Variants in GALNTL6 observed in about 807,000 individuals in gnomAD.
GALNTL6 encodes polypeptide N-acetylgalactosaminyltransferase-like 6.
A neutral mutation model predicts 73.7 loss-of-function variants in GALNTL6; 46 were observed. That is an observed-to-expected ratio of 0.62 (90% CI 0.49 to 0.80). GALNTL6 has a LOEUF of 0.80. Among genes scored for constraint, GALNTL6 ranks in the 30% least tolerant of loss-of-function variants. The pLI is 0.00. For synonymous variants in GALNTL6, 259 were observed against 263.7 expected (o/e 0.98, Z 0.17); for missense variants, 604 against 755.0 (o/e 0.80, Z 2.34).
At chr4:171,818,130 A>G (rs1734570994) in intron 2 of GALNTL6, among the ~76,000 whole-genome samples, 1 of 151,742 alleles carries the variant, frequency 6.6e-6, no homozygotes, top group Admixed American at 6.6e-5. Context: ...CTGTTTAAAC[A>G]TTTGAAATGC....
Position 171,895,046 on chromosome 4 carries a change from G to A in GALNTL6, c.138+80328G>A, listed in dbSNP as rs188629534. ...TAAAAGTCAGACAGAACACTTAGAA[G>A]AGACCATATATGATTTAATTTTAAT... On this transcript the variant is annotated intron_variant, in intron 2 of 12. Transcript: ENST00000506823. 2.2e-3 allele frequency among the ~76,000 whole-genome samples: 342 copies of A among 152,282 alleles called. 4 individuals are homozygous for A. The highest frequency in any genetic ancestry group is 3.5e-3 in the Non-Finnish European group (239 of 68,026).
intron 5 of GALNTL6, among the ~76,000 whole-genome samples, chr4:172,610,057 T>C (rs1475560189): frequency 1.3e-5 from 2 of 152,108 alleles, no homozygotes; most frequent in Non-Finnish European, 2.9e-5. Context: ...TCGTCATTTC[T>C]AATTGTGTTT....
chr4:172,444,309 A>G (rs1025906587), intron 5 of GALNTL6, among the ~76,000 whole-genome samples: 5 of 152,188 alleles, frequency 3.3e-5, no homozygotes, highest in African/African-American at 9.6e-5. Flanking sequence ...GTTGGCCCCA[A>G]TGTTGATGCC....
chr4:171,995,053 T>C (rs1475284853), intron 2 of GALNTL6, among the ~76,000 whole-genome samples: 2 of 151,992 alleles, frequency 1.3e-5, no homozygotes, highest in African/African-American at 4.8e-5. Flanking sequence ...AAACTGTTCT[T>C]ATAAAATTCA....
chr4:172,558,518 G>A (rs1040520788), intron 5 of GALNTL6, among the ~76,000 whole-genome samples: 3 of 152,110 alleles, frequency 2.0e-5, no homozygotes, highest in Admixed American at 6.6e-5. Context: ...ATGATGTGAG[G>A]ATACAGAGAG....
chr4:172,107,586 A>G (rs974901108), intron 2 of GALNTL6, among the ~76,000 whole-genome samples: 5 of 150,104 alleles, frequency 3.3e-5, no homozygotes, highest in African/African-American at 1.2e-4. Flanking sequence ...ACAAAAAACC[A>G]AACACCGCAT....
intron 3 of GALNTL6, among the ~76,000 whole-genome samples, chr4:172,307,627 T>G (rs913068486): frequency 1.3e-5 from 2 of 152,150 alleles, no homozygotes; most frequent in African/African-American, 4.8e-5. Context: ...TTTCTCCACT[T>G]TGTGTTTTTG....
At chr4:171,814,755 G>A (rs769610492) in intron 2 of GALNTL6, 37 bp downstream of exon 2, 14 of 1,607,744 alleles carry the variant, frequency 8.7e-6, no homozygotes, top group Non-Finnish European at 2.5e-6. Flanking sequence ...ACAAGGATTG[G>A]TAAGGCAGTG....
chr4:172,635,463 C>A (rs544331292), intron 5 of GALNTL6, among the ~76,000 whole-genome samples: 7 of 152,120 alleles, frequency 4.6e-5, no homozygotes, highest in African/African-American at 1.7e-4. Flanking sequence ...TTTATCAAGG[C>A]AAGATCAATC....
intron 5 of GALNTL6, chr4:172,667,374 T>C (rs762436608): frequency 1.3e-5 from 2 of 152,230 alleles, no homozygotes; most frequent in Non-Finnish European, 2.9e-5. Flanking sequence ...ACTGCTACTG[T>C]CATAATCACA....
chr4:172,550,102 C>T (rs1396086179), intron 5 of GALNTL6, among the ~76,000 whole-genome samples: 1 of 152,062 alleles, frequency 6.6e-6, no homozygotes, highest in Non-Finnish European at 1.5e-5. Flanking sequence ...ATATTTATCA[C>T]AAATATACAT....
intron 5 of GALNTL6, among the ~76,000 whole-genome samples, chr4:172,621,613 A>G (rs1003284854): frequency 2.0e-5 from 3 of 152,140 alleles, no homozygotes; most frequent in African/African-American, 7.2e-5. Context: ...TTTGTTTGTA[A>G]TACAGTTTTA....
At chr4:172,779,856 T>C (rs1251289268) in intron 5 of GALNTL6, among the ~76,000 whole-genome samples, 2 of 152,216 alleles carry the variant, frequency 1.3e-5, no homozygotes, top group African/African-American at 4.8e-5. Flanking sequence ...AGAGAGATTT[T>C]TTTTTCCCCT....
At chr4:172,225,027 G>A (rs960154366) in intron 2 of GALNTL6, among the ~76,000 whole-genome samples, 8 of 152,092 alleles carry the variant, frequency 5.3e-5, no homozygotes, top group East Asian at 1.9e-4. Context: ...GTGAAAAACC[G>A]GAATAGTGCT....
intron 7 of GALNTL6, among the ~76,000 whole-genome samples, chr4:172,852,143 A>G (rs1743858135): frequency 6.6e-6 from 1 of 152,046 alleles, no homozygotes; most frequent in Non-Finnish European, 1.5e-5. Flanking sequence ...AGAGCATATT[A>G]ATTACAGTAA....
At chr4:172,253,953 G>T (rs1280036288) in intron 3 of GALNTL6, among the ~76,000 whole-genome samples, 5 of 151,758 alleles carry the variant, frequency 3.3e-5, no homozygotes, top group Non-Finnish European at 7.4e-5. Flanking sequence ...ATGAACTCAG[G>T]AGTAAAACAC....
intron 2 of GALNTL6, among the ~76,000 whole-genome samples, chr4:171,936,612 A>G (rs1271812492): frequency 6.6e-6 from 1 of 152,152 alleles, no homozygotes; most frequent in Non-Finnish European, 1.5e-5. Context: ...TAACAGTACC[A>G]TTCTTCCCAT....
chr4:173,007,933 A>G (rs1283748252), intron 10 of GALNTL6, among the ~76,000 whole-genome samples: 1 of 152,170 alleles, frequency 6.6e-6, no homozygotes, highest in Non-Finnish European at 1.5e-5. Flanking sequence ...TCCTTATATC[A>G]GTGCTAACAT....
At chr4:172,412,615 T>C (rs997908259) in intron 5 of GALNTL6, among the ~76,000 whole-genome samples, 1 of 152,172 alleles carries the variant, frequency 6.6e-6, no homozygotes, top group Non-Finnish European at 1.5e-5. Context: ...CTAAACTTTC[T>C]TTTTCCAAAT....
Sources: allele counts gnomAD v4.1 joint callset (sites outside exome capture counted in the v4.1 genomes callset), GRCh38; gene constraint gnomAD v4.1.1; transcripts MANE v1.5; gene names NCBI Gene and HGNC (gene_info 2026-07-23, HGNC 2026-07-21).